Variants in MAGI2 observed in about 807,000 individuals in gnomAD.
MAGI2 encodes the protein membrane-associated guanylate kinase, WW and PDZ domain-containing protein 2.
Under a neutral mutation model 133.3 loss-of-function variants are expected in MAGI2, and 35 were observed. The observed-to-expected ratio is 0.26, with a 90% CI of 0.20 to 0.35. MAGI2 has a LOEUF of 0.35. MAGI2 is among the 10% of genes least tolerant of loss of function. MAGI2 has a pLI of 1.00. For synonymous variants in MAGI2, 729 were observed against 710.6 expected, an observed-to-expected ratio of 1.03 and a Z score of -0.41; for missense variants, 1,636 against 1,863.4, an observed-to-expected ratio of 0.88 and a Z score of 2.25.
At chr7:78,898,464 T>G (rs1388190918) in intron 2 of MAGI2, among the ~76,000 whole-genome samples, 1 of 152,224 alleles carries the variant, frequency 6.6e-6, no homozygotes, top group Admixed American at 6.5e-5. Context: ...CATGGAATAC[T>G]ATGCAGCCAT....
chr7:78,120,346 T>C (rs1033153362), intron 20 of MAGI2, among the ~76,000 whole-genome samples: 2 of 152,134 alleles, frequency 1.3e-5, no homozygotes, highest in African/African-American at 4.8e-5. Context: ...GAGCTTGCAG[T>C]GAGCCGAGAT....
At chr7:78,573,129 A>G (rs1434736045) in intron 3 of MAGI2, among the ~76,000 whole-genome samples, 1 of 106,968 alleles carries the variant, frequency 9.3e-6, no homozygotes. Context: ...ATATATATAT[A>G]CACACATACA....
At chr7:78,902,651 T>C (rs993339591) in intron 2 of MAGI2, 1 of 151,990 alleles carries the variant, frequency 6.6e-6, no homozygotes, top group African/African-American at 2.4e-5. Context: ...ATACAGAAAA[T>C]CAATAGAACT....
At chr7:78,250,357 A>T (rs1584562324) in intron 10 of MAGI2, among the ~76,000 whole-genome samples, 1 of 152,106 alleles carries the variant, frequency 6.6e-6, no homozygotes, top group Admixed American at 6.5e-5. Flanking sequence ...AAAAAGGGAA[A>T]CACAACATAG....
At chr7:78,359,104 T>C (rs1340348408) in intron 7 of MAGI2, 1 of 152,200 alleles carries the variant, frequency 6.6e-6, no homozygotes, top group Non-Finnish European at 1.5e-5. Flanking sequence ...CTAAGATTTG[T>C]ACAGGAATAA....
At chr7:79,136,123 A>AAG (rs1169399744) in intron 1 of MAGI2, among the ~76,000 whole-genome samples, 3 of 147,182 alleles carry the variant, frequency 2.0e-5, no homozygotes, top group African/African-American at 7.5e-5. Context: ...GAAAGAAAGA[A>AAG]AGAAAGACAC....
intron 3 of MAGI2, among the ~76,000 whole-genome samples, chr7:78,621,650 C>T (rs1220197769): frequency 6.6e-6 from 1 of 151,958 alleles, no homozygotes; most frequent in Non-Finnish European, 1.5e-5. Flanking sequence ...TACCTACAGC[C>T]ATGTGGCATA....
chr7:78,364,889 TA>T (rs1793212301), intron 7 of MAGI2, among the ~76,000 whole-genome samples: 1 of 152,254 alleles, frequency 6.6e-6, no homozygotes, highest in African/African-American at 2.4e-5. Flanking sequence ...TAGGACTTCT[TA>T]ATACGTAGTG....
chr7:78,160,527 T>G (rs1245349315), intron 15 of MAGI2, among the ~76,000 whole-genome samples: 1 of 152,220 alleles, frequency 6.6e-6, no homozygotes, highest in Non-Finnish European at 1.5e-5. Flanking sequence ...CTGTTACTGA[T>G]TTATATCTTC....
chr7:79,278,243 C>A (rs1339194090), intron 1 of MAGI2, among the ~76,000 whole-genome samples: 1 of 152,160 alleles, frequency 6.6e-6, no homozygotes, highest in Admixed American at 6.6e-5. Flanking sequence ...AATGGGCCTG[C>A]TCCTCCTTCA....
chr7:78,418,275 G>A lies in MAGI2; in HGVS notation c.1046-49062C>T, dbSNP rs1418578364. On this transcript the variant is annotated intron_variant, in intron 6 of 21. Coordinates refer to ENST00000354212, the MANE Select transcript of MAGI2 (RefSeq NM_012301.4). ...TTTTCTTGCTAAGCAATAACCATAT[G>A]CATTTAGAACCTATCAAAGGAACAT... is the stretch of plus-strand genomic sequence containing the variant. 2.0e-5 allele frequency among the ~76,000 whole-genome samples: 3 copies of A among 152,102 alleles called. No individual in the cohort carries two copies. The East Asian group carries it at 5.8e-4, about 29-fold the overall frequency.
At chr7:78,152,282 C>T (rs1823956595) in intron 16 of MAGI2, among the ~76,000 whole-genome samples, 1 of 152,182 alleles carries the variant, frequency 6.6e-6, no homozygotes, top group Non-Finnish European at 1.5e-5. Context: ...ACAGGCAAAA[C>T]ATGGCCTCTG....
chr7:79,015,733 T>C (rs112849895), intron 1 of MAGI2, among the ~76,000 whole-genome samples: 72 of 152,252 alleles, frequency 4.7e-4, no homozygotes, highest in African/African-American at 1.7e-3. Context: ...AATTATGTCC[T>C]CGGCCCACCT....
chr7:79,050,007 G>C (rs1244019954), intron 1 of MAGI2, among the ~76,000 whole-genome samples: 1 of 152,150 alleles, frequency 6.6e-6, no homozygotes, highest in Non-Finnish European at 1.5e-5. Flanking sequence ...GTTACTCAGG[G>C]AGCCTCATTT....
chr7:79,058,132 GAAC>G (rs1813334497), intron 1 of MAGI2, among the ~76,000 whole-genome samples: 3 of 151,966 alleles, frequency 2.0e-5, no homozygotes, highest in Admixed American at 6.6e-5. Flanking sequence ...GGAACTGAGA[GAAC>G]AACAAGGCAA....
At chr7:78,912,131 C>T (rs1286002043) in intron 2 of MAGI2, among the ~76,000 whole-genome samples, 1 of 152,178 alleles carries the variant, frequency 6.6e-6, no homozygotes, top group Non-Finnish European at 1.5e-5. Flanking sequence ...TTTAGCACTT[C>T]TGTGCATTTC....
chr7:78,354,723 T>G (rs1363006128), intron 7 of MAGI2, among the ~76,000 whole-genome samples: 5 of 152,266 alleles, frequency 3.3e-5, no homozygotes, highest in Middle Eastern at 3.4e-3. Flanking sequence ...GCAATTCCTT[T>G]TATATGCTAG....
At chr7:78,040,616 A>G (rs1810724793) in intron 21 of MAGI2, among the ~76,000 whole-genome samples, 1 of 152,166 alleles carries the variant, frequency 6.6e-6, no homozygotes, top group Non-Finnish European at 1.5e-5. Context: ...TCAGCTCTGG[A>G]AGCGCGGGAT....
At chr7:78,944,332 C>T (rs959237299) in intron 2 of MAGI2, among the ~76,000 whole-genome samples, 2 of 151,996 alleles carry the variant, frequency 1.3e-5, no homozygotes, top group South Asian at 4.1e-4. Context: ...TCAGTGGCTG[C>T]CCCTCATTGA....
Sources: allele counts gnomAD v4.1 joint callset (sites outside exome capture counted in the v4.1 genomes callset), GRCh38; gene constraint gnomAD v4.1.1; transcripts MANE v1.5; gene names NCBI Gene and HGNC (gene_info 2026-07-23, HGNC 2026-07-21).